The following NTM variants were observed in gnomAD, a reference collection of about 807,000 sequenced individuals.
NTM encodes IgLON family member 2.
Under a neutral mutation model 42.1 loss-of-function variants are expected in NTM, and 13 were observed. The ratio of observed to expected loss-of-function variants is 0.31; its 90% CI spans 0.20 to 0.49. The LOEUF (loss-of-function observed/expected upper bound fraction) is 0.49, where lower values mean the gene tolerates loss of function less well. NTM is among the 20% of genes least tolerant of loss of function. The probability of loss-of-function intolerance (pLI) is 0.99; values close to 1 mark genes in which losing one functional copy is unlikely to be tolerated. For synonymous variants in NTM, 187 were observed against 179.2 expected (o/e 1.04, Z -0.35); for missense variants, 373 against 452.8 (o/e 0.82, Z 1.60).
intron 1 of NTM, among the ~76,000 whole-genome samples, chr11:131,846,823 G>A (rs2044966873): frequency 6.6e-6 from 1 of 152,114 alleles, no homozygotes; most frequent in Non-Finnish European, 1.5e-5. Flanking sequence ...CAGGTTGGGA[G>A]CTGAGCCCTA....
chr11:131,744,404 A>T lies in NTM; in HGVS notation c.83-167160A>T, dbSNP rs554300476. Among the ~76,000 whole-genome samples the T allele has an allele frequency of 7.2e-5, 11 of 152,328 alleles. No homozygotes were observed. In the South Asian group the frequency reaches 2.3e-3, roughly 32 times the overall value. On this transcript the variant is annotated intron_variant, in intron 1 of 8. Coordinates refer to ENST00000683400, the MANE Select transcript of NTM (RefSeq NM_001352005.2). ...ATTATTATTGTTTGTAATACAGAAC[A>T]TGCAAATCAACCCCTCCTTCCTACT...
chr11:132,070,750 C>G (rs1392526414), intron 2 of NTM, among the ~76,000 whole-genome samples: 1 of 142,964 alleles, frequency 7.0e-6, no homozygotes, highest in African/African-American at 2.6e-5. Context: ...TCAAACTGAC[C>G]GTCACAGGTT....
intron 3 of NTM, among the ~76,000 whole-genome samples, chr11:132,164,383 C>T (rs566811195): frequency 6.6e-6 from 1 of 152,298 alleles, no homozygotes; most frequent in East Asian, 1.9e-4. Flanking sequence ...GTGGAAAGGA[C>T]CATCCATTAG....
chr11:132,243,668 C>T (rs906569680), intron 4 of NTM, among the ~76,000 whole-genome samples: 2 of 152,166 alleles, frequency 1.3e-5, no homozygotes, highest in African/African-American at 2.4e-5. Flanking sequence ...GGTGACCTTC[C>T]GATGTACCCA....
chr11:131,514,529 A>T (rs1209218365), intron 1 of NTM, among the ~76,000 whole-genome samples: 1 of 152,126 alleles, frequency 6.6e-6, no homozygotes, highest in African/African-American at 2.4e-5. Flanking sequence ...TCCTTACTGT[A>T]TTATGTGTTA....
intron 1 of NTM, among the ~76,000 whole-genome samples, chr11:131,712,247 C>A (rs1334965448): frequency 6.7e-6 from 1 of 150,180 alleles, no homozygotes; most frequent in Non-Finnish European, 1.5e-5. Flanking sequence ...TTTGGAAGAG[C>A]AATTTAGTTG....
intron 8 of NTM, among the ~76,000 whole-genome samples, chr11:132,331,474 TTTTTG>T (rs1478724873): frequency 2.6e-5 from 4 of 152,286 alleles, no homozygotes; most frequent in African/African-American, 7.2e-5. Flanking sequence ...ATGAAAAAAG[TTTTTG>T]TTTTATTTTT....
chr11:131,604,487 C>T (rs1403956815), intron 1 of NTM, among the ~76,000 whole-genome samples: 2 of 152,010 alleles, frequency 1.3e-5, no homozygotes, highest in Admixed American at 6.5e-5. Context: ...TCTTTCACTT[C>T]CTCAATAGTG....
chr11:132,295,987 A>G (rs1055382904), intron 4 of NTM, among the ~76,000 whole-genome samples: 4 of 152,236 alleles, frequency 2.6e-5, no homozygotes, highest in African/African-American at 9.6e-5. Flanking sequence ...TGGAAGCTGT[A>G]AAGTGAGTGG....
In NTM at chr11:132,139,385, G is replaced by A. The variant is rs534329207; in HGVS notation, c.168-6897G>A. On this transcript the variant is annotated intron_variant, in intron 2 of 8. Coordinates refer to ENST00000683400, the MANE Select transcript of NTM (RefSeq NM_001352005.2). ...AAACAAGATATGACCTATTGAGCAA[G>A]CCCATTCTTGCTTCAGCATTTAAAT... Among the ~76,000 whole-genome samples the A allele has an allele frequency of 3.3e-5, 5 of 152,298 alleles. No individual in the cohort carries two copies. The East Asian group carries it at 9.6e-4, about 29-fold the overall frequency.
intron 1 of NTM, among the ~76,000 whole-genome samples, chr11:131,780,004 C>T (rs985594472): frequency 7.2e-5 from 11 of 152,180 alleles, no homozygotes; most frequent in African/African-American, 2.7e-4. Context: ...ATCAGAATCT[C>T]TGCCTTCACC....
chr11:132,123,057 TCTGTGCATCTCCCCGTCAGCCTTG>T, intron 2 of NTM, among the ~76,000 whole-genome samples: 1 of 152,238 alleles, frequency 6.6e-6, no homozygotes, highest in East Asian at 1.9e-4. Context: ...TATCTTCTCT[TCTGTGCATCTCCCCGTCAGCCTTG>T]CTTCTCTGCA....
intron 1 of NTM, among the ~76,000 whole-genome samples, chr11:131,520,827 G>A (rs970135786): frequency 3.3e-5 from 5 of 151,892 alleles, no homozygotes; most frequent in Non-Finnish European, 7.4e-5. Context: ...GTCCATTTTG[G>A]TGTTTCTATA....
At chr11:131,878,640 T>TATATAA (rs1488317297) in intron 1 of NTM, among the ~76,000 whole-genome samples, 9 of 121,362 alleles carry the variant, frequency 7.4e-5, no homozygotes, top group African/African-American at 2.4e-4. Context: ...TATATATATA[T>TATATAA]AATGTCTTAT....
intron 1 of NTM, among the ~76,000 whole-genome samples, chr11:131,638,836 A>G (rs1592320265): frequency 1.3e-5 from 2 of 152,102 alleles, no homozygotes; most frequent in East Asian, 1.9e-4. Context: ...TAAAATAGAA[A>G]CAGTATACTT....
intron 4 of NTM, among the ~76,000 whole-genome samples, chr11:132,247,880 CT>C (rs1371825966): frequency 1.3e-5 from 2 of 152,100 alleles, no homozygotes; most frequent in East Asian, 3.9e-4. Context: ...ATTTTACCCC[CT>C]GTGTATCTCT....
intron 2 of NTM, among the ~76,000 whole-genome samples, chr11:132,078,215 C>T (rs2079545277): frequency 6.6e-6 from 1 of 152,206 alleles, no homozygotes; most frequent in Admixed American, 6.5e-5. Flanking sequence ...CCTACATAGG[C>T]TTAGTTTCTC....
chr11:131,816,613 T>G (rs76026892), intron 1 of NTM, among the ~76,000 whole-genome samples: 11,408 of 151,796 alleles, frequency 0.075, 1,411 homozygotes, highest in African/African-American at 0.26. Context: ...GGAACCTGAG[T>G]CTTGGAGACC....
intron 7 of NTM, chr11:132,315,140 AATAGTC>A (rs2095394882): frequency 2.2e-6 from 2 of 891,746 alleles, no homozygotes; most frequent in Non-Finnish European, 2.7e-6. Context: ...AATTGGGTAA[AATAGTC>A]AAGAACTCAG....
Sources: allele counts gnomAD v4.1 joint callset (sites outside exome capture counted in the v4.1 genomes callset), GRCh38; gene constraint gnomAD v4.1.1; transcripts MANE v1.5; gene names NCBI Gene and HGNC (gene_info 2026-07-23, HGNC 2026-07-21).